UCK1: variants seen among roughly 807,000 people sequenced by gnomAD.
The protein encoded by UCK1 is uridine-cytidine kinase 1.
Under a neutral mutation model 34.0 loss-of-function variants are expected in UCK1, and 20 were observed. That is an observed-to-expected ratio of 0.59 (90% CI 0.41 to 0.86). The LOEUF (loss-of-function observed/expected upper bound fraction) is 0.86, where lower values mean the gene tolerates loss of function less well. UCK1 is among the 40% of genes least tolerant of loss of function. The pLI, the probability that UCK1 is intolerant of heterozygous loss-of-function variation, is 0.00. For synonymous variants in UCK1, 168 were observed against 155.9 expected, an observed-to-expected ratio of 1.08 and a Z score of -0.58; for missense variants, 343 against 383.6, an observed-to-expected ratio of 0.89 and a Z score of 0.88.
At chr9:131,526,383 A>G (rs1950604616) in intron 5 of UCK1, 3 of 1,268,450 alleles carry the variant, frequency 2.4e-6, no homozygotes, top group Admixed American at 2.3e-5. Context: ...ACCCTGGCAC[A>G]GCAACAGGAC....
chr9:131,530,737 C>CT, intron 1 of UCK1, 92 bp from the exon 2 acceptor site: 1 of 1,611,068 alleles, frequency 6.2e-7, no homozygotes, highest in Non-Finnish European at 8.5e-7. Context: ...CACCCGCCCC[C>CT]TGGGGGGTAT....
chr9:131,530,570 G>A lies in UCK1; in HGVS notation c.184C>T (p.Leu62=), dbSNP rs144113966. ...VEQRQRKVVI[L]SQDRFYKVLT... The stretch of plus-strand genomic sequence containing the variant: ...ACCTTGTAGAACCTGTCCTGGCTCA[G>A]GATGACCACCTTCCGCTGCCGCTGT... Residue 62 remains leucine, a synonymous_variant, in exon 2 of 7, where the codon CTG becomes TTG. Coordinates refer to ENST00000372215, the MANE Select transcript of UCK1 (RefSeq NM_031432.5). 4.0e-5 allele frequency: 64 copies of A among 1,614,120 alleles called. No individual in the cohort carries two copies. The African/African-American group carries it at 7.5e-4, about 19-fold the overall frequency.
Position 131,531,205 on chromosome 9 carries a change from C to A in UCK1, c.-31G>T. On this transcript the variant is annotated 5_prime_UTR_variant, in exon 1 of 7. Transcript: ENST00000372215. Reference sequence around the variant, plus strand: ...CCTCCGCTCCCGCGCATCGGGTCCCCGCGCCCGCCCCTTCCCCAGGCCCGG... The same window carrying A: ...CCTCCGCTCCCGCGCATCGGGTCCCAGCGCCCGCCCCTTCCCCAGGCCCGG... 1 of 1,360,464 alleles carries A rather than the reference C, an allele frequency of 7.4e-7. No individual in the cohort carries two copies. Among genetic ancestry groups the A allele is most frequent in the South Asian group, 1.7e-5 (1 of 60,500 alleles). 84.3% of individuals were successfully genotyped at this position (1,360,464 alleles called of 1,614,324 possible).
At chr9:131,526,607 G>A in intron 5 of UCK1, 1 of 951,346 alleles carries the variant, frequency 1.1e-6, no homozygotes, top group Non-Finnish European at 1.5e-6. Context: ...TAGGGAAGGG[G>A]AAGCAGCCTG....
rs957344210 is a variant in UCK1, at chr9:131,524,470, G to C, written c.*570C>G. On this transcript the variant is annotated 3_prime_UTR_variant, in exon 7 of 7. Transcript: ENST00000372215. ...GGCTCCCCATATCCGTGTAGGCCAC[G>C]CTGGACTGCAAACCACTGGGTCATG... is the stretch of plus-strand genomic sequence containing the variant. 1 of 152,366 alleles carries C rather than the reference G, an allele frequency of 6.6e-6. No homozygotes were observed. Among genetic ancestry groups the C allele is most frequent in the African/African-American group, 2.4e-5 (1 of 41,448 alleles). The allele number at this position is 152,366 out of a possible 1,614,324, so 9.4% of individuals were successfully genotyped here. A position where few individuals can be genotyped will look rare whatever the true frequency, so the allele number is the denominator to read the frequency against.
intron 5 of UCK1, chr9:131,526,498 G>A (rs888327742): frequency 1.6e-5 from 21 of 1,289,484 alleles, no homozygotes; most frequent in Admixed American, 1.1e-4. Context: ...CCTGTCAGAT[G>A]CTCTGCTGCT....
intron 1 of UCK1, among the ~76,000 whole-genome samples, chr9:131,530,866 G>A (rs570427359): frequency 4.1e-4 from 63 of 152,278 alleles, no homozygotes; most frequent in Non-Finnish European, 7.8e-4. Flanking sequence ...GAGAGGCTGT[G>A]GGGGAGCCCC....
chr9:131,526,148 C>T, intron 5 of UCK1, 171 bp from the exon 6 acceptor site: 1 of 794,140 alleles, frequency 1.3e-6, no homozygotes. Context: ...GTGTGAGAGG[C>T]CATGATCCAA....
intron 5 of UCK1, among the ~76,000 whole-genome samples, chr9:131,527,007 G>A (rs1950632044): frequency 6.6e-6 from 1 of 152,182 alleles, no homozygotes; most frequent in Non-Finnish European, 1.5e-5. Context: ...AGGAAAAGGA[G>A]GCTCAAGAAC....
intron 5 of UCK1, among the ~76,000 whole-genome samples, chr9:131,528,173 C>CA (rs5900943): frequency 0.85 from 124,461 of 146,948 alleles, 53,537 homozygotes; most frequent in South Asian, 0.97. Flanking sequence ...GACCCTATCT[C>CA]AAAAAAAAAA....
intron 2 of UCK1, among the ~76,000 whole-genome samples, chr9:131,530,085 G>A (rs979418053): frequency 9.2e-5 from 14 of 152,302 alleles, no homozygotes; most frequent in Middle Eastern, 3.4e-3. Context: ...TTTACCTACC[G>A]CCTCCCACAC....
chr9:131,523,903 T>C lies in UCK1; in HGVS notation c.*1137A>G. 6.6e-6 allele frequency: 1 copy of C among 152,488 alleles called. No homozygotes were observed. Among genetic ancestry groups the C allele is most frequent in the Non-Finnish European group, 1.5e-5 (1 of 68,178 alleles). The allele number at this position is 152,488 out of a possible 1,614,324, so 9.4% of individuals were successfully genotyped here. On this transcript the variant is annotated 3_prime_UTR_variant, in exon 7 of 7. Transcript: ENST00000372215. ...AACCCAGCCACAGGGCTCAGCCCCCTTCCCCCACGTCACGTCTGCATCACT... is the reference window on the plus strand; with the variant it reads ...AACCCAGCCACAGGGCTCAGCCCCCCTCCCCCACGTCACGTCTGCATCACT...
chr9:131,530,938 C>T, intron 1 of UCK1, 129 bp downstream of exon 1: 2 of 988,852 alleles, frequency 2.0e-6, no homozygotes, highest in Admixed American at 4.1e-5. Context: ...CGGCCTGCAG[C>T]CCCTTCGCTC....
chr9:131,529,964 A>G (rs1950767089), intron 2 of UCK1, among the ~76,000 whole-genome samples: 1 of 151,788 alleles, frequency 6.6e-6, no homozygotes, highest in Admixed American at 6.5e-5. Context: ...AGTCCTTGGG[A>G]AAAGGCTGAC....
chr9:131,524,728 A>G lies in UCK1; in HGVS notation c.*312T>C, dbSNP rs563661433. On this transcript the variant is annotated 3_prime_UTR_variant, in exon 7 of 7. Transcript: ENST00000372215. The stretch of plus-strand genomic sequence containing the variant: ...GGCTGTCTCCTCAATTTCCCCAATA[A>G]TGTGCCTCACATTCCTCACAGAAGC... The G allele has an allele frequency of 3.4e-6, 1 of 294,150 alleles. No individual in the cohort carries two copies. The highest frequency in any genetic ancestry group is 5.0e-5 in the Admixed American group (1 of 19,874). The allele number at this position is 294,150 out of a possible 1,614,324, so 18.2% of individuals were successfully genotyped here.
chr9:131,524,964 G>A lies in UCK1; in HGVS notation c.*76C>T, dbSNP rs75755117. Reference sequence around the variant, plus strand: ...GGTGCGCCGAGAGGAAGCAGTGGGTGTGGGTGGGCGTCCCCAGGCTCAGTC... The same window carrying A: ...GGTGCGCCGAGAGGAAGCAGTGGGTATGGGTGGGCGTCCCCAGGCTCAGTC... On this transcript the variant is annotated 3_prime_UTR_variant, in exon 7 of 7. Transcript: ENST00000372215. 6.5e-7 allele frequency: 1 copy of A among 1,529,936 alleles called. No individual in the cohort carries two copies. Among genetic ancestry groups the A allele is most frequent in the African/African-American group, 1.4e-5 (1 of 72,842 alleles). 94.8% of individuals were successfully genotyped at this position (1,529,936 alleles called of 1,614,324 possible).
Position 131,526,470 on chromosome 9 carries a change from C to T in UCK1, c.604-493G>A, listed in dbSNP as rs1950608378. 3 of 1,289,840 alleles carry T rather than the reference C, an allele frequency of 2.3e-6. No individual in the cohort carries two copies. The African/African-American group carries it at 4.6e-5, about 20-fold the overall frequency. The allele number at this position is 1,289,840 out of a possible 1,614,324, so 79.9% of individuals were successfully genotyped here. A position where few individuals can be genotyped will look rare whatever the true frequency, so the allele number is the denominator to read the frequency against. On this transcript the variant is annotated intron_variant, in intron 5 of 6. Coordinates refer to ENST00000372215, the MANE Select transcript of UCK1 (RefSeq NM_031432.5). ...TCCCTCATCCAACCACTCATTGGCT[C>T]AATGCTGACTCTCATTCCCTGTCAG...
At chr9:131,526,863 A>G (rs1051329016) in intron 5 of UCK1, among the ~76,000 whole-genome samples, 1 of 152,210 alleles carries the variant, frequency 6.6e-6, no homozygotes, top group African/African-American at 2.4e-5. Context: ...CTAGTCTGAT[A>G]GTCTGACGGG....
At chr9:131,528,028 G>A (rs779817131) in intron 5 of UCK1, among the ~76,000 whole-genome samples, 1 of 152,098 alleles carries the variant, frequency 6.6e-6, no homozygotes, top group Non-Finnish European at 1.5e-5. Context: ...ACAAAAATTA[G>A]CTGGGTGTGG....
Sources: gnomAD v4.1 joint callset for allele counts (sites outside exome capture counted in the v4.1 genomes callset) on GRCh38, gnomAD v4.1.1 for gene constraint, MANE v1.5 for transcripts, NCBI Gene and HGNC (gene_info 2026-07-23, HGNC 2026-07-21) for gene names.